The following GRM7 variants were observed in gnomAD, a reference collection of about 807,000 sequenced individuals.
GRM7 encodes metabotropic glutamate receptor 7.
GRM7 carries 35 observed loss-of-function variants against 84.5 expected under a neutral mutation model. That is an observed-to-expected ratio of 0.41 (90% CI 0.32 to 0.55). The LOEUF is 0.55. GRM7 is among the 20% of genes least tolerant of loss of function. The pLI is 0.19. For missense variants in GRM7, 1,003 were observed against 1,194.6 expected (o/e 0.84, Z 2.36); for synonymous variants, 487 against 455.1 (o/e 1.07, Z -0.89).
At chr3:6,864,722 A>G (rs1694883506) in intron 1 of GRM7, among the ~76,000 whole-genome samples, 1 of 152,200 alleles carries the variant, frequency 6.6e-6, no homozygotes, top group Admixed American at 6.5e-5. Context: ...AGAAGAAGGA[A>G]TACTTAGCGA....
chr3:7,263,323 C>T (rs550179054), intron 2 of GRM7, among the ~76,000 whole-genome samples: 101 of 152,296 alleles, frequency 6.6e-4, no homozygotes, highest in African/African-American at 2.4e-3. Context: ...GCAACAGGAC[C>T]ACTGGTCACA....
At chr3:6,903,455 C>A (rs1436520918) in intron 1 of GRM7, among the ~76,000 whole-genome samples, 1 of 152,090 alleles carries the variant, frequency 6.6e-6, no homozygotes, top group African/African-American at 2.4e-5. Flanking sequence ...TAAAATACAT[C>A]TCTGTTGCTG....
In GRM7 at chr3:7,193,045, G is replaced by T. The variant is rs542561788; in HGVS notation, c.736+46377G>T. ...TCATTTCTTTTTACTTTTTTTGTTC[G>T]TTTGTTTTGGTGGGGTAATCTCTTT... On this transcript the variant is annotated intron_variant, in intron 2 of 9. Transcript: ENST00000357716. Among the ~76,000 whole-genome samples, 181 of 151,874 alleles carry T rather than the reference G, an allele frequency of 1.2e-3. 1 individual carries two copies. Among genetic ancestry groups the T allele is most frequent in the African/African-American group, 3.7e-3 (152 of 41,432 alleles).
intron 8 of GRM7, among the ~76,000 whole-genome samples, chr3:7,655,144 T>C (rs1455418697): frequency 1.3e-5 from 2 of 152,168 alleles, no homozygotes; most frequent in Non-Finnish European, 2.9e-5. Flanking sequence ...CAAAGAAAAG[T>C]AGAAAAACAG....
At chr3:7,394,904 G>A (rs1695146486) in intron 4 of GRM7, among the ~76,000 whole-genome samples, 1 of 152,024 alleles carries the variant, frequency 6.6e-6, no homozygotes. Flanking sequence ...CAGGCGTGGT[G>A]GCGGGCACCC....
At chr3:7,683,366 A>T (rs1290542763) in intron 9 of GRM7, among the ~76,000 whole-genome samples, 1 of 152,230 alleles carries the variant, frequency 6.6e-6, no homozygotes, top group Admixed American at 6.5e-5. Context: ...CATAGAGCCA[A>T]GGTAAACAAT....
intron 4 of GRM7, among the ~76,000 whole-genome samples, chr3:7,395,863 T>C (rs907545365): frequency 4.6e-5 from 7 of 152,104 alleles, no homozygotes; most frequent in Non-Finnish European, 8.8e-5. Flanking sequence ...AAGACTGTAG[T>C]TAATGATAAT....
chr3:7,053,705 T>C (rs1697098018), intron 1 of GRM7, among the ~76,000 whole-genome samples: 1 of 151,618 alleles, frequency 6.6e-6, no homozygotes, highest in African/African-American at 2.4e-5. Flanking sequence ...CTACCATCTG[T>C]CTTGTTCCTT....
At chr3:7,323,180 A>C (rs1226106380) in intron 4 of GRM7, among the ~76,000 whole-genome samples, 1 of 152,168 alleles carries the variant, frequency 6.6e-6, no homozygotes, top group African/African-American at 2.4e-5. Flanking sequence ...TCTAGGAATG[A>C]GTTATAAATA....
At chr3:7,154,572 G>A (rs1170186062) in intron 2 of GRM7, among the ~76,000 whole-genome samples, 2 of 152,096 alleles carry the variant, frequency 1.3e-5, no homozygotes, top group Non-Finnish European at 2.9e-5. Context: ...GGATGCATGT[G>A]CTAAGGAGAA....
chr3:7,039,564 A>C (rs543750109), intron 1 of GRM7, among the ~76,000 whole-genome samples: 2 of 152,312 alleles, frequency 1.3e-5, no homozygotes, highest in East Asian at 3.9e-4. Flanking sequence ...ACAGTGTATC[A>C]AATGCATGTT....
At chr3:7,686,346 T>C (rs1360768941) in intron 9 of GRM7, 3 of 1,120,772 alleles carry the variant, frequency 2.7e-6, no homozygotes, top group Non-Finnish European at 4.1e-6. Flanking sequence ...ATATATTTAC[T>C]TTTCCTGTAG....
chr3:7,060,628 A>G (rs1470695632), intron 1 of GRM7, among the ~76,000 whole-genome samples: 1 of 151,726 alleles, frequency 6.6e-6, no homozygotes, highest in Non-Finnish European at 1.5e-5. Context: ...ATGTTAAGCC[A>G]CTCAAGTTTG....
intron 4 of GRM7, among the ~76,000 whole-genome samples, chr3:7,335,670 A>G (rs1196649795): frequency 6.6e-6 from 1 of 152,102 alleles, no homozygotes; most frequent in Non-Finnish European, 1.5e-5. Context: ...GAAATTAACC[A>G]CAAAAAGAAG....
Position 7,635,714 on chromosome 3 carries a change from C to G in GRM7, c.2452-44335C>G, listed in dbSNP as rs1049799822. The stretch of plus-strand genomic sequence containing the variant: ...TTAGGGACAAGGTCTTGCTGTGTTG[C>G]CCAGGCTAGAGTGCAGTGGCACAAT... On this transcript the variant is annotated intron_variant, in intron 8 of 9. Transcript: ENST00000357716. 7.2e-5 allele frequency among the ~76,000 whole-genome samples: 11 copies of G among 152,282 alleles called. No homozygotes were observed. In the East Asian group the frequency reaches 1.5e-3, roughly 21 times the overall value.
chr3:7,169,467 A>C (rs1020664607), intron 2 of GRM7, among the ~76,000 whole-genome samples: 2 of 152,204 alleles, frequency 1.3e-5, no homozygotes, highest in African/African-American at 4.8e-5. Context: ...TTAAATGTCA[A>C]GACCACCTAA....
chr3:7,045,117 A>G (rs553789744), intron 1 of GRM7, among the ~76,000 whole-genome samples: 90 of 152,292 alleles, frequency 5.9e-4, no homozygotes, highest in African/African-American at 2.0e-3. Flanking sequence ...GCTCATGACT[A>G]TGAAATGTTA....
chr3:7,130,677 T>C (rs1693566345), intron 1 of GRM7, among the ~76,000 whole-genome samples: 1 of 152,006 alleles, frequency 6.6e-6, no homozygotes, highest in South Asian at 2.1e-4. Flanking sequence ...ACCTTCTCTC[T>C]CTCTCCCTCA....
chr3:7,105,802 T>TG (rs1692610413), intron 1 of GRM7, among the ~76,000 whole-genome samples: 1 of 151,874 alleles, frequency 6.6e-6, no homozygotes, highest in Admixed American at 6.6e-5. Flanking sequence ...TTTCTATATA[T>TG]GGTATTTGAG....
Sources: allele counts gnomAD v4.1 joint callset (sites outside exome capture counted in the v4.1 genomes callset), GRCh38; gene constraint gnomAD v4.1.1; transcripts MANE v1.5; gene names NCBI Gene and HGNC (gene_info 2026-07-23, HGNC 2026-07-21).